The following FAM135B variants were observed in gnomAD, a reference collection of about 807,000 sequenced individuals.
FAM135B encodes family with sequence similarity 135 member B.
Under a neutral mutation model 127.7 loss-of-function variants are expected in FAM135B, and 43 were observed. The observed-to-expected ratio is 0.34, with a 90% CI of 0.26 to 0.43. The LOEUF (loss-of-function observed/expected upper bound fraction) is 0.43, where lower values mean the gene tolerates loss of function less well. Among genes scored for constraint, FAM135B ranks in the 20% least tolerant of loss-of-function variants. The pLI is 1.00. For synonymous variants in FAM135B, 670 were observed against 665.1 expected (o/e 1.01, Z -0.11); for missense variants, 1,558 against 1,725.6 (o/e 0.90, Z 1.72).
At chr8:138,274,588 C>T (rs533719953) in intron 3 of FAM135B, among the ~76,000 whole-genome samples, 17 of 152,116 alleles carry the variant, frequency 1.1e-4, no homozygotes, top group East Asian at 3.9e-4. Flanking sequence ...ATTTATTAGG[C>T]GGGAATTTCC....
At chr8:138,309,643 G>C (rs1176009797) in intron 3 of FAM135B, among the ~76,000 whole-genome samples, 1 of 152,090 alleles carries the variant, frequency 6.6e-6, no homozygotes, top group Non-Finnish European at 1.5e-5. Flanking sequence ...TGACTTGTGG[G>C]TATTCAATTG....
chr8:138,221,059 T>C (rs749537230), intron 7 of FAM135B, among the ~76,000 whole-genome samples: 3 of 152,208 alleles, frequency 2.0e-5, no homozygotes, highest in Non-Finnish European at 2.9e-5. Flanking sequence ...TGCAGAAAGA[T>C]GAAACCCAGG....
At chr8:138,336,683 G>A (rs1319213795) in intron 2 of FAM135B, among the ~76,000 whole-genome samples, 2 of 152,164 alleles carry the variant, frequency 1.3e-5, no homozygotes, top group Non-Finnish European at 2.9e-5. Context: ...GAGGTACAAG[G>A]AGGAGCTGCT....
At chr8:138,430,570 A>C (rs1373754833) in intron 1 of FAM135B, among the ~76,000 whole-genome samples, 1 of 152,080 alleles carries the variant, frequency 6.6e-6, no homozygotes, top group Non-Finnish European at 1.5e-5. Context: ...TACATTCCAC[A>C]AGGTGACGGT....
intron 2 of FAM135B, among the ~76,000 whole-genome samples, chr8:138,350,306 T>C (rs1464639217): frequency 6.6e-6 from 1 of 152,178 alleles, no homozygotes; most frequent in Non-Finnish European, 1.5e-5. Flanking sequence ...CATGCCGTTA[T>C]TCAAAAGGAG....
intron 7 of FAM135B, among the ~76,000 whole-genome samples, chr8:138,236,001 G>A (rs754803739): frequency 4.6e-5 from 7 of 152,140 alleles, no homozygotes; most frequent in Non-Finnish European, 1.0e-4. Context: ...TGATCTCCAC[G>A]GGTGAGCCAA....
At chr8:138,252,626 G>A (rs1320203205) in intron 5 of FAM135B, among the ~76,000 whole-genome samples, 1 of 152,158 alleles carries the variant, frequency 6.6e-6, no homozygotes, top group Non-Finnish European at 1.5e-5. Flanking sequence ...TGGTGGTGGT[G>A]CAGGGAGGTC....
chr8:138,348,946 G>A (rs1319257025), intron 2 of FAM135B, among the ~76,000 whole-genome samples: 1 of 152,228 alleles, frequency 6.6e-6, no homozygotes, highest in East Asian at 1.9e-4. Context: ...AGATCTGTCT[G>A]GAGCAGAGAG....
rs189149370 is a variant in FAM135B, at chr8:138,407,601, C to T, written c.-19-39599G>A. ...CAGAACAGAGCCCTCAGAAATAATGCTGCATACCTACAACTATCTGATCTT... is the reference window on the plus strand; with the variant it reads ...CAGAACAGAGCCCTCAGAAATAATGTTGCATACCTACAACTATCTGATCTT... On this transcript the variant is annotated intron_variant, in intron 1 of 19. Transcript: ENST00000395297. 1.3e-4 allele frequency among the ~76,000 whole-genome samples: 20 copies of T among 152,260 alleles called. No homozygotes were observed. The East Asian group carries it at 3.9e-3, about 29-fold the overall frequency.
intron 12 of FAM135B, among the ~76,000 whole-genome samples, chr8:138,161,868 T>C (rs1819436610): frequency 6.6e-6 from 1 of 152,236 alleles, no homozygotes; most frequent in African/African-American, 2.4e-5. Flanking sequence ...CTATGATCTG[T>C]TTGTGCATCT....
At chr8:138,263,769 A>G (rs1038406472) in intron 4 of FAM135B, among the ~76,000 whole-genome samples, 1 of 152,174 alleles carries the variant, frequency 6.6e-6, no homozygotes, top group African/African-American at 2.4e-5. Flanking sequence ...AAAGAGCCTA[A>G]AAAGAAGGGA....
intron 3 of FAM135B, among the ~76,000 whole-genome samples, chr8:138,309,676 CA>C: frequency 6.6e-6 from 1 of 152,274 alleles, no homozygotes; most frequent in Admixed American, 6.5e-5. Flanking sequence ...CTCACCATAA[CA>C]CGTTGCAAAT....
intron 3 of FAM135B, among the ~76,000 whole-genome samples, chr8:138,278,778 G>A (rs1824040677): frequency 6.6e-6 from 1 of 151,770 alleles, no homozygotes; most frequent in Non-Finnish European, 1.5e-5. Context: ...TGGCCAGTCT[G>A]GAGAACATGA....
chr8:138,340,795 C>T (rs1275651826), intron 2 of FAM135B, among the ~76,000 whole-genome samples: 1 of 152,128 alleles, frequency 6.6e-6, no homozygotes, highest in African/African-American at 2.4e-5. Context: ...CTCTGTGCCT[C>T]GTGCATCCAC....
chr8:138,205,320 G>A (rs372784141), intron 7 of FAM135B, among the ~76,000 whole-genome samples: 3 of 152,212 alleles, frequency 2.0e-5, no homozygotes, highest in African/African-American at 4.8e-5. Context: ...CAGACATGAT[G>A]TGGTGCTGGA....
At chr8:138,397,363 C>T (rs756591810) in intron 1 of FAM135B, among the ~76,000 whole-genome samples, 2 of 152,030 alleles carry the variant, frequency 1.3e-5, no homozygotes, top group African/African-American at 2.4e-5. Flanking sequence ...GGACACCGAC[C>T]GCTTAAGGGG....
At position 138,156,159 on chromosome 8, in the gene FAM135B, A is replaced by G. The variant is rs919942559; in HGVS notation, c.1259-2943T>C. On this transcript the variant is annotated intron_variant, in intron 12 of 19. Transcript: ENST00000395297. ...TAAGAAACTCACTCAAAACCGCTCAACTACATGGAAACTGAACAACCTGCT... is the reference window on the plus strand; with the variant it reads ...TAAGAAACTCACTCAAAACCGCTCAGCTACATGGAAACTGAACAACCTGCT... Among the ~76,000 whole-genome samples, 10 of 152,290 alleles carry G rather than the reference A, an allele frequency of 6.6e-5. 1 individual carries two copies. The highest frequency in any genetic ancestry group is 3.9e-4 in the Admixed American group (6 of 15,286).
intron 1 of FAM135B, among the ~76,000 whole-genome samples, chr8:138,421,318 A>T (rs543878076): frequency 1.8e-4 from 28 of 152,278 alleles, no homozygotes; most frequent in Non-Finnish European, 2.8e-4. Context: ...GTCAAAAAAA[A>T]ATATATATCT....
intron 6 of FAM135B, among the ~76,000 whole-genome samples, chr8:138,244,625 A>T (rs1288788708): frequency 2.0e-5 from 3 of 152,232 alleles, no homozygotes; most frequent in Middle Eastern, 3.2e-3. Context: ...TTTGTTTTCA[A>T]TTGCAAGTTG....
Sources: allele counts gnomAD v4.1 joint callset (sites outside exome capture counted in the v4.1 genomes callset), GRCh38; gene constraint gnomAD v4.1.1; transcripts MANE v1.5; gene names NCBI Gene and HGNC (gene_info 2026-07-23, HGNC 2026-07-21).